The following ST6GALNAC3 variants were observed in gnomAD, a reference collection of about 807,000 sequenced individuals.
The protein encoded by ST6GALNAC3 is ST6 N-acetylgalactosaminide alpha-2,6-sialyltransferase 3.
Under a neutral mutation model 32.7 loss-of-function variants are expected in ST6GALNAC3, and 25 were observed. That is an observed-to-expected ratio of 0.76 (90% CI 0.56 to 1.07). The LOEUF (loss-of-function observed/expected upper bound fraction) is 1.07, where lower values mean the gene tolerates loss of function less well. ST6GALNAC3 is among the 50% of genes least tolerant of loss of function. The pLI is 0.00. For synonymous variants in ST6GALNAC3, 129 were observed against 133.1 expected, an observed-to-expected ratio of 0.97 and a Z score of 0.21; for missense variants, 355 against 382.4, an observed-to-expected ratio of 0.93 and a Z score of 0.60.
chr1:76,608,964 T>G (rs1224775553), intron 3 of ST6GALNAC3, among the ~76,000 whole-genome samples: 2 of 152,196 alleles, frequency 1.3e-5, no homozygotes, highest in African/African-American at 4.8e-5. Flanking sequence ...TTAAAACTAT[T>G]TTTGCTGTTA....
intron 3 of ST6GALNAC3, among the ~76,000 whole-genome samples, chr1:76,489,388 T>C (rs1660345521): frequency 1.3e-5 from 2 of 152,098 alleles, no homozygotes; most frequent in Non-Finnish European, 2.9e-5. Context: ...ATGTTGTTGT[T>C]GACCATTATC....
intron 1 of ST6GALNAC3, among the ~76,000 whole-genome samples, chr1:76,089,975 AAGTT>A (rs1466708927): frequency 1.3e-5 from 2 of 152,130 alleles, no homozygotes; most frequent in Admixed American, 1.3e-4. Context: ...AGGTAAGAGT[AAGTT>A]AGAGTGCACT....
intron 1 of ST6GALNAC3, among the ~76,000 whole-genome samples, chr1:76,292,596 G>C (rs11162116): frequency 0.28 from 42,217 of 152,114 alleles, 6,918 homozygotes; most frequent in East Asian, 0.51. Context: ...AGAACCAGTG[G>C]CCTGGAACTA....
chr1:76,398,538 C>T (rs775429302), intron 2 of ST6GALNAC3, among the ~76,000 whole-genome samples: 18 of 152,084 alleles, frequency 1.2e-4, no homozygotes, highest in Non-Finnish European at 1.9e-4. Context: ...TTTATTCTAT[C>T]TGGCTTTTGC....
chr1:76,329,804 ATTTAT>A (rs1647153292), intron 2 of ST6GALNAC3, among the ~76,000 whole-genome samples: 1 of 150,884 alleles, frequency 6.6e-6, no homozygotes. Context: ...CTCTTTATTT[ATTTAT>A]TTATTTATTT....
chr1:76,557,559 T>A (rs1205974403), intron 3 of ST6GALNAC3, among the ~76,000 whole-genome samples: 1 of 152,098 alleles, frequency 6.6e-6, no homozygotes, highest in Non-Finnish European at 1.5e-5. Context: ...ATATGTCTTA[T>A]TGTTTAATCC....
intron 1 of ST6GALNAC3, among the ~76,000 whole-genome samples, chr1:76,252,203 G>C (rs952886510): frequency 4.9e-4 from 74 of 152,124 alleles, no homozygotes; most frequent in Non-Finnish European, 2.1e-4. Context: ...TGGATGGGTG[G>C]CTGTATTGTA....
intron 3 of ST6GALNAC3, among the ~76,000 whole-genome samples, chr1:76,457,942 C>G (rs1366966188): frequency 1.5e-4 from 22 of 150,674 alleles, no homozygotes; most frequent in African/African-American, 5.1e-4. Flanking sequence ...TCAGAGTGAA[C>G]AGGCAACCTA....
Position 76,514,627 on chromosome 1 carries a change from T to C in ST6GALNAC3, c.623+102210T>C, listed in dbSNP as rs544485842. On this transcript the variant is annotated intron_variant, in intron 3 of 4. Transcript: ENST00000328299. ...TCAGGATTCCCTCTCTTTACACACATATGCTCTTCCTTTGACTTTCCCTGC... is the reference window on the plus strand; with the variant it reads ...TCAGGATTCCCTCTCTTTACACACACATGCTCTTCCTTTGACTTTCCCTGC... 2.0e-5 allele frequency among the ~76,000 whole-genome samples: 3 copies of C among 152,290 alleles called. No homozygotes were observed. The East Asian group carries it at 5.8e-4, about 29-fold the overall frequency.
chr1:76,309,952 G>T (rs1399494859), intron 1 of ST6GALNAC3: 3 of 488,766 alleles, frequency 6.1e-6, no homozygotes, highest in Non-Finnish European at 1.2e-5. Flanking sequence ...CTCTCAAAAT[G>T]GTTGACTTAT....
chr1:76,481,099 GAATT>G (rs1416084650), intron 3 of ST6GALNAC3, among the ~76,000 whole-genome samples: 1 of 152,016 alleles, frequency 6.6e-6, no homozygotes, highest in Admixed American at 6.6e-5. Context: ...TCTGATCTTT[GAATT>G]AATTATTTTC....
intron 1 of ST6GALNAC3, among the ~76,000 whole-genome samples, chr1:76,134,941 G>A (rs1484077012): frequency 2.0e-5 from 3 of 152,110 alleles, no homozygotes; most frequent in Non-Finnish European, 2.9e-5. Flanking sequence ...TCAGGAGTTC[G>A]AGACCAGCCT....
chr1:76,257,154 A>C (rs868079466), intron 1 of ST6GALNAC3, among the ~76,000 whole-genome samples: 4 of 152,278 alleles, frequency 2.6e-5, no homozygotes, highest in Middle Eastern at 3.4e-3. Context: ...TAATCCCCAA[A>C]TTTCTAAGAA....
At chr1:76,137,376 T>C (rs1650010806) in intron 1 of ST6GALNAC3, among the ~76,000 whole-genome samples, 1 of 152,222 alleles carries the variant, frequency 6.6e-6, no homozygotes, top group Admixed American at 6.5e-5. Flanking sequence ...GAGAAGACTT[T>C]CTTTAATTTG....
At chr1:76,275,341 C>T (rs1029497510) in intron 1 of ST6GALNAC3, among the ~76,000 whole-genome samples, 2 of 152,180 alleles carry the variant, frequency 1.3e-5, no homozygotes, top group African/African-American at 4.8e-5. Flanking sequence ...AGTCTGTAAA[C>T]TCAGATATGC....
intron 3 of ST6GALNAC3, among the ~76,000 whole-genome samples, chr1:76,489,169 T>C (rs746351707): frequency 1.3e-5 from 2 of 152,186 alleles, no homozygotes; most frequent in Non-Finnish European, 2.9e-5. Flanking sequence ...GTGTTCTCCA[T>C]TGCAAACATT....
chr1:76,493,694 A>G (rs1660635713), intron 3 of ST6GALNAC3, among the ~76,000 whole-genome samples: 2 of 152,118 alleles, frequency 1.3e-5, no homozygotes. Flanking sequence ...CTGTCTTATT[A>G]TTATTCAGTT....
rs1227866333 is a variant in ST6GALNAC3, at chr1:76,259,764, G to A, written c.19-54041G>A. ...TGAAGTTGAACTTAATTAATTTGGG[G>A]CAGTAGCATTTTCACTGTTGATGAG... On this transcript the variant is annotated intron_variant, in intron 1 of 4. Coordinates refer to ENST00000328299, the MANE Select transcript of ST6GALNAC3 (RefSeq NM_152996.4). 2.6e-5 allele frequency among the ~76,000 whole-genome samples: 4 copies of A among 152,104 alleles called. No homozygotes were observed. The East Asian group carries it at 7.7e-4, about 29-fold the overall frequency.
chr1:76,527,324 A>G lies in ST6GALNAC3; in HGVS notation c.624-100128A>G, dbSNP rs143551062. Among the ~76,000 whole-genome samples the G allele has an allele frequency of 8.8e-3, 1,338 of 152,160 alleles. 8 individuals are homozygous for G. Among genetic ancestry groups the G allele is most frequent in the South Asian group, 0.015 (73 of 4,818 alleles). Reference sequence around the variant, plus strand: ...GTCATGGAAAGATTTGCTATGAACCATTGCATCAAGGTTGAAATGCCCAAG... The same window carrying G: ...GTCATGGAAAGATTTGCTATGAACCGTTGCATCAAGGTTGAAATGCCCAAG... On this transcript the variant is annotated intron_variant, in intron 3 of 4. Coordinates refer to ENST00000328299, the MANE Select transcript of ST6GALNAC3 (RefSeq NM_152996.4).
Sources: allele counts gnomAD v4.1 joint callset (sites outside exome capture counted in the v4.1 genomes callset), GRCh38; gene constraint gnomAD v4.1.1; transcripts MANE v1.5; gene names NCBI Gene and HGNC (gene_info 2026-07-23, HGNC 2026-07-21).